The following RALGAPA2 variants were observed in gnomAD, a reference collection of about 807,000 sequenced individuals.
The protein encoded by RALGAPA2 is ral GTPase-activating protein subunit alpha-2.
Under a neutral mutation model 230.4 loss-of-function variants are expected in RALGAPA2, and 139 were observed. That is an observed-to-expected ratio of 0.60 (90% CI 0.53 to 0.69). The LOEUF (loss-of-function observed/expected upper bound fraction) is 0.69, where lower values mean the gene tolerates loss of function less well. Ranked by LOEUF, RALGAPA2 falls within the 30% of genes least tolerant of loss-of-function variation. RALGAPA2 has a pLI of 0.00. For synonymous variants in RALGAPA2, 847 were observed against 837.8 expected, an observed-to-expected ratio of 1.01 and a Z score of -0.19; for missense variants, 2,163 against 2,276.0, an observed-to-expected ratio of 0.95 and a Z score of 1.01.
chr20:20,485,590 T>C (rs745792847), intron 36 of RALGAPA2, among the ~76,000 whole-genome samples: 2 of 152,252 alleles, frequency 1.3e-5, no homozygotes, highest in Non-Finnish European at 2.9e-5. Context: ...TCTCGGCATA[T>C]TATAATTCTT....
chr20:20,597,816 G>GCAA (rs904097018), intron 16 of RALGAPA2, among the ~76,000 whole-genome samples: 3 of 152,074 alleles, frequency 2.0e-5, no homozygotes, highest in Non-Finnish European at 4.4e-5. Context: ...TCCAGCCTGG[G>GCAA]CAACAGAGAG....
At chr20:20,501,552 C>T (rs959154047) in intron 35 of RALGAPA2, among the ~76,000 whole-genome samples, 1 of 152,196 alleles carries the variant, frequency 6.6e-6, no homozygotes, top group Non-Finnish European at 1.5e-5. Context: ...AATGTTGTGG[C>T]TGGTTTGATC....
intron 16 of RALGAPA2, among the ~76,000 whole-genome samples, chr20:20,593,146 G>A (rs1315070970): frequency 1.3e-5 from 2 of 152,172 alleles, no homozygotes; most frequent in Non-Finnish European, 2.9e-5. Context: ...CAAGTAGTCC[G>A]CCCACCTCGG....
rs770853688 is a variant in RALGAPA2, at chr20:20,629,374, C to T, written c.1222G>A (p.Val408Ile). 2.5e-6 allele frequency: 4 copies of T among 1,584,058 alleles called. No individual in the cohort carries two copies. The highest frequency in any genetic ancestry group is 2.7e-5 in the African/African-American group (2 of 74,064). ...TRGYVNFVNEVFHQAFLLPSC... is the reference protein window; with the variant it reads ...TRGYVNFVNEIFHQAFLLPSC... Reference sequence around the variant, plus strand: ...ACACACACACTAACCTGGTGAAATACTTCATTCACGAAGTTGACATAACCT... The same window carrying T: ...ACACACACACTAACCTGGTGAAATATTTCATTCACGAAGTTGACATAACCT... The change falls in exon 10 of 40, where the codon GTA becomes ATA. Residue 408 changes from valine (V) to isoleucine (I), a missense_variant. Coordinates refer to ENST00000202677, the MANE Select transcript of RALGAPA2 (RefSeq NM_020343.4).
intron 10 of RALGAPA2, among the ~76,000 whole-genome samples, chr20:20,622,742 C>G (rs1288569822): frequency 6.6e-6 from 1 of 151,652 alleles, no homozygotes; most frequent in Non-Finnish European, 1.5e-5. Flanking sequence ...ATTTGGGAAG[C>G]AATAAAATGC....
intron 30 of RALGAPA2, among the ~76,000 whole-genome samples, chr20:20,522,586 G>A (rs897660724): frequency 2.6e-5 from 4 of 152,164 alleles, no homozygotes; most frequent in African/African-American, 7.2e-5. Context: ...GCACAGAGAA[G>A]GCTTCCAGGA....
chr20:20,605,363 C>T lies in RALGAPA2; in HGVS notation c.1850G>A (p.Arg617Gln), dbSNP rs755240772. ...ACCAAGAAAGTCATCCCAGAGCTCT[C>T]GAGAAATGTACACACAGAGGTTTGC... ...IRANLCVYISRELWDDFLGVL... is the reference protein window; with the variant it reads ...IRANLCVYISQELWDDFLGVL... Residue 617 changes from arginine (R) to glutamine (Q), a missense_variant, in exon 15 of 40, where the codon CGA (arginine) becomes CAA (glutamine). Arg to Gln is a conservative substitution (Grantham distance 43). Transcript: ENST00000202677. The T allele has an allele frequency of 3.7e-6, 6 of 1,613,766 alleles. No homozygotes were observed. In the South Asian group the frequency reaches 5.5e-5, roughly 15 times the overall value.
intron 36 of RALGAPA2, among the ~76,000 whole-genome samples, chr20:20,491,763 A>G (rs558831921): frequency 3.9e-5 from 6 of 152,298 alleles, no homozygotes; most frequent in Non-Finnish European, 7.4e-5. Flanking sequence ...GATTGTGTCA[A>G]TGTTTATGGA....
chr20:20,479,721 GA>G (rs2061730144), intron 36 of RALGAPA2, among the ~76,000 whole-genome samples: 1 of 152,200 alleles, frequency 6.6e-6, no homozygotes, highest in African/African-American at 2.4e-5. Flanking sequence ...AAGGAGAAAA[GA>G]AATGTCCCCC....
At chr20:20,554,214 G>A (rs1226764450) in intron 23 of RALGAPA2, among the ~76,000 whole-genome samples, 1 of 152,204 alleles carries the variant, frequency 6.6e-6, no homozygotes, top group Non-Finnish European at 1.5e-5. Flanking sequence ...CCATGAATCT[G>A]CCTACCCTGG....
At chr20:20,543,211 GT>G (rs948410002) in intron 24 of RALGAPA2, among the ~76,000 whole-genome samples, 1 of 151,606 alleles carries the variant, frequency 6.6e-6, no homozygotes, top group African/African-American at 2.4e-5. Context: ...CACCCAGCTA[GT>G]TTTTTTTTAT....
In RALGAPA2 at chr20:20,489,965, A is replaced by C. The variant is rs550268202; in HGVS notation, c.5367+5152T>G. ...AGAGAAGATAAAGCAAATAAGAAGA[A>C]GATGTATATGCAAAGACCAACTTAA... On this transcript the variant is annotated intron_variant, in intron 36 of 39. Coordinates refer to ENST00000202677, the MANE Select transcript of RALGAPA2 (RefSeq NM_020343.4). Among the ~76,000 whole-genome samples the C allele has an allele frequency of 2.8e-3, 427 of 152,370 alleles. 2 individuals carry two copies. Among genetic ancestry groups the C allele is most frequent in the Non-Finnish European group, 5.3e-3 (360 of 68,034 alleles).
chr20:20,546,256 G>C (rs530109004), intron 24 of RALGAPA2, among the ~76,000 whole-genome samples: 2 of 151,976 alleles, frequency 1.3e-5, no homozygotes, highest in African/African-American at 4.8e-5. Context: ...TTTACTTCTA[G>C]TTAAGACTTT....
In RALGAPA2 at chr20:20,676,680, T is replaced by C. The variant is rs190019127; in HGVS notation, c.218-392A>G. On this transcript the variant is annotated intron_variant, in intron 2 of 39. Coordinates refer to ENST00000202677, the MANE Select transcript of RALGAPA2 (RefSeq NM_020343.4). ...AGAGCAGATAACTATAAAAGTAGTA[T>C]ATCTTTTGGGGCAACTGCACACTGT... is the stretch of plus-strand genomic sequence containing the variant. Among the ~76,000 whole-genome samples the C allele has an allele frequency of 8.5e-5, 13 of 152,320 alleles. No individual in the cohort carries two copies. In the South Asian group the frequency reaches 1.0e-3, roughly 12 times the overall value.
At chr20:20,632,170 GC>G (rs2066698018) in intron 9 of RALGAPA2, among the ~76,000 whole-genome samples, 1 of 151,688 alleles carries the variant, frequency 6.6e-6, no homozygotes, top group African/African-American at 2.4e-5. Context: ...GACTACAGGC[GC>G]CCGCCACCAT....
chr20:20,414,318 C>T (rs1469719509), intron 37 of RALGAPA2, among the ~76,000 whole-genome samples: 1 of 152,174 alleles, frequency 6.6e-6, no homozygotes, highest in South Asian at 2.1e-4. Context: ...TGCCTAGCAT[C>T]GTCCTGCTGT....
chr20:20,557,824 A>G (rs148583400), intron 23 of RALGAPA2, among the ~76,000 whole-genome samples: 1 of 152,296 alleles, frequency 6.6e-6, no homozygotes, highest in Non-Finnish European at 1.5e-5. Context: ...TTAATTTAAC[A>G]GACACGGAGA....
intron 37 of RALGAPA2, among the ~76,000 whole-genome samples, chr20:20,435,612 A>G (rs930245469): frequency 6.6e-6 from 1 of 152,368 alleles, no homozygotes; most frequent in East Asian, 1.9e-4. Flanking sequence ...ATGCTGTGCC[A>G]TAGCAAAGTG....
Position 20,653,195 on chromosome 20 carries a change from C to CAAAAAAAAAAAAAAAAA in RALGAPA2, c.328+318_328+334dup, listed in dbSNP as rs60906434. Among the ~76,000 whole-genome samples, 13 of 27,528 alleles carry CAAAAAAAAAAAAAAAAA rather than the reference C, an allele frequency of 4.7e-4. 2 individuals are homozygous for CAAAAAAAAAAAAAAAAA. The highest frequency in any genetic ancestry group is 8.4e-4 in the Non-Finnish European group (11 of 13,036). The allele number at this position is 27,528 out of a possible 152,430, so 18.1% of individuals were successfully genotyped here. A position where few individuals can be genotyped will look rare whatever the true frequency, so the allele number is the denominator to read the frequency against. On this transcript the variant is annotated intron_variant, in intron 4 of 39. Coordinates refer to ENST00000202677, the MANE Select transcript of RALGAPA2 (RefSeq NM_020343.4). ...TAGGCGACAGAGCAAGACTCCATCTCAAAAAAAAAAAAAAAAAAAAAAAAA... is the reference window on the plus strand; with the variant it reads ...TAGGCGACAGAGCAAGACTCCATCTCAAAAAAAAAAAAAAAAAAAAAAAAAAAAAAAAAAAAAAAAAA...
Sources: gnomAD v4.1 joint callset for allele counts (sites outside exome capture counted in the v4.1 genomes callset) on GRCh38, gnomAD v4.1.1 for gene constraint, MANE v1.5 for transcripts, NCBI Gene and HGNC (gene_info 2026-07-23, HGNC 2026-07-21) for gene names.